The following NTN5 variants were observed in gnomAD, a reference collection of about 807,000 sequenced individuals.
The protein encoded by NTN5 is netrin 5, also known as netrin-5.
NTN5 carries 42 observed loss-of-function variants against 38.7 expected under a neutral mutation model. The observed-to-expected ratio is 1.08, with a 90% CI of 0.85 to 1.40. NTN5 has a LOEUF of 1.40. Among genes scored for constraint, NTN5 ranks in the 40% most tolerant of loss-of-function variants. The pLI is 0.00. For missense variants in NTN5, 658 were observed against 716.5 expected (o/e 0.92, Z 0.93); for synonymous variants, 329 against 303.9 (o/e 1.08, Z -0.86).
Position 48,670,499 on chromosome 19 carries a change from G to A in NTN5, c.488C>T (p.Ala163Val). The A allele has an allele frequency of 6.8e-7, 1 of 1,480,710 alleles. No homozygotes were observed. Among genetic ancestry groups the A allele is most frequent in the Non-Finnish European group, 9.0e-7 (1 of 1,114,492 alleles). 91.7% of individuals were successfully genotyped at this position (1,480,710 alleles called of 1,614,324 possible). Reference protein sequence around the residue: ...LRGRCQCHGHAARCAARARPP... With the variant: ...LRGRCQCHGHVARCAARARPP... ...CCGGGCACGGGCGGCACAGCGGGCAGCGTGGCCATGACACTGGCAGCGGCC... is the reference window on the plus strand; with the variant it reads ...CCGGGCACGGGCGGCACAGCGGGCAACGTGGCCATGACACTGGCAGCGGCC... Residue 163 changes from alanine to valine, a missense_variant, in exon 2 of 7, where the codon GCT becomes GTT. Coordinates refer to ENST00000270235, the MANE Select transcript of NTN5 (RefSeq NM_145807.4).
chr19:48,669,721 C>CCAT (rs2031867114), intron 2 of NTN5, among the ~76,000 whole-genome samples: 5 of 107,072 alleles, frequency 4.7e-5, no homozygotes, highest in Non-Finnish European at 7.8e-5. Context: ...ACCATCACCA[C>CCAT]CACCACCACC....
chr19:48,663,639 G>A, intron 5 of NTN5, 96 bp from the exon 6 acceptor site: 1 of 1,515,052 alleles, frequency 6.6e-7, no homozygotes, highest in Non-Finnish European at 9.2e-7. Context: ...ATGGCCAGCT[G>A]GGGTACCCAA....
At position 48,661,420 on chromosome 19, in the gene NTN5, G is replaced by C. The variant is rs2031533586; in HGVS notation, c.*257C>G. 2.7e-6 allele frequency: 1 copy of C among 365,262 alleles called. No individual in the cohort carries two copies. Among genetic ancestry groups the C allele is most frequent in the East Asian group, 4.9e-5 (1 of 20,600 alleles). 22.6% of individuals were successfully genotyped at this position (365,262 alleles called of 1,614,324 possible). The stretch of plus-strand genomic sequence containing the variant: ...TGTAGACAAAAATTCCCAAAGATTT[G>C]AGACTTTATTGGGGGAAACAGATCA... On this transcript the variant is annotated 3_prime_UTR_variant, in exon 7 of 7. Coordinates refer to ENST00000270235, the MANE Select transcript of NTN5 (RefSeq NM_145807.4).
At chr19:48,666,837 C>T (rs566561013) in intron 2 of NTN5, among the ~76,000 whole-genome samples, 92 of 151,800 alleles carry the variant, frequency 6.1e-4, no homozygotes, top group Non-Finnish European at 1.1e-3. Flanking sequence ...GCATGCACCA[C>T]CACACCAGGC....
In NTN5 at chr19:48,661,941, C is replaced by A; in HGVS notation, c.1206G>T (p.Val402=). The A allele has an allele frequency of 7.2e-7, 1 of 1,387,896 alleles. No individual in the cohort carries two copies. The highest frequency in any genetic ancestry group is 9.3e-7 in the Non-Finnish European group (1 of 1,076,474). The allele number at this position is 1,387,896 out of a possible 1,614,324, so 86.0% of individuals were successfully genotyped here. The change falls in exon 7 of 7, where the codon GTG becomes GTT. Residue 402 remains valine, a synonymous_variant. Transcript: ENST00000270235. Reference sequence around the variant, plus strand: ...CCCAGGCGTCCTGGTCGCCGCGTCGCACGGGCTGCGCCCGCTGCTTGTAAA... The same window carrying A: ...CCCAGGCGTCCTGGTCGCCGCGTCGAACGGGCTGCGCCCGCTGCTTGTAAA... The part of the protein sequence containing the change: ...LAVYKQRAQP[V]RRGDQDAWVP...
chr19:48,661,682 G>A lies in NTN5; in HGVS notation c.1465C>T (p.His489Tyr). The change falls in exon 7 of 7, where the codon CAC becomes TAC. Residue 489 changes from histidine to tyrosine, a missense_variant. His to Tyr is a moderately conservative substitution (Grantham distance 83). Coordinates refer to ENST00000270235, the MANE Select transcript of NTN5 (RefSeq NM_145807.4). ...RAPTPSPRPE[H>Y] The stretch of plus-strand genomic sequence containing the variant: ...GAGGCAGCCCCATCTCACGTCTAGT[G>A]CTCCGGCCTGGGACTGGGTGTGGGT... 6.5e-6 allele frequency: 10 copies of A among 1,548,982 alleles called. No individual in the cohort carries two copies. The highest frequency in any genetic ancestry group is 2.5e-5 in the East Asian group (1 of 39,862).
chr19:48,665,868 C>T (rs553281324), intron 2 of NTN5, among the ~76,000 whole-genome samples: 1 of 152,198 alleles, frequency 6.6e-6, no homozygotes, highest in Admixed American at 6.6e-5. Context: ...GAATCAGACC[C>T]TTTTAGCCTT....
Position 48,661,450 on chromosome 19 carries a change from C to T in NTN5, c.*227G>A, listed in dbSNP as rs2031534701. The T allele has an allele frequency of 1.4e-5, 6 of 431,102 alleles. No individual in the cohort carries two copies. The South Asian group carries it at 1.9e-4, about 14-fold the overall frequency. The allele number at this position is 431,102 out of a possible 1,614,324, so 26.7% of individuals were successfully genotyped here. On this transcript the variant is annotated 3_prime_UTR_variant, in exon 7 of 7. Coordinates refer to ENST00000270235, the MANE Select transcript of NTN5 (RefSeq NM_145807.4). ...TTTATTGGGGGAAACAGATCACTGGCGGGGAATAAGCCACAGGCCAAAGGA... is the reference window on the plus strand; with the variant it reads ...TTTATTGGGGGAAACAGATCACTGGTGGGGAATAAGCCACAGGCCAAAGGA...
chr19:48,671,059 C>G, intron 1 of NTN5, 53 bp from the exon 2 acceptor site: 5 of 1,362,688 alleles, frequency 3.7e-6, no homozygotes, highest in Middle Eastern at 2.3e-4. Context: ...GCCTCTACCC[C>G]TCCTGGAGGT....
chr19:48,661,760 G>C lies in NTN5; in HGVS notation c.1387C>G (p.Leu463Val), dbSNP rs779592292. The C allele has an allele frequency of 2.7e-6, 4 of 1,501,384 alleles. No homozygotes were observed. The highest frequency in any genetic ancestry group is 2.2e-5 in the Admixed American group (1 of 45,792). 93.0% of individuals were successfully genotyped at this position (1,501,384 alleles called of 1,614,324 possible). The change falls in exon 7 of 7, where the codon CTG (leucine) becomes GTG (valine). Residue 463 changes from leucine (L) to valine (V), a missense_variant. Transcript: ENST00000270235. ...LPWRPRWARP[L>V]KRLQQEERAG... Reference sequence around the variant, plus strand: ...CGCTCCTCCTGCTGCAGCCGCTTCAGGGGCCGGGCCCAGCGCGGCCTCCAT... The same window carrying C: ...CGCTCCTCCTGCTGCAGCCGCTTCACGGGCCGGGCCCAGCGCGGCCTCCAT...
In NTN5 at chr19:48,670,349, G is replaced by T; in HGVS notation, c.631+7C>A. 1 of 1,406,840 alleles carries T rather than the reference G, an allele frequency of 7.1e-7. No individual in the cohort carries two copies. Among genetic ancestry groups the T allele is most frequent in the South Asian group, 1.6e-5 (1 of 62,282 alleles). 87.1% of individuals were successfully genotyped at this position (1,406,840 alleles called of 1,614,324 possible). Reference sequence around the variant, plus strand: ...AAGGCAGGGAGAGTGAGGGGCGCAGGACTCACGTAGGCAAGGGTGGGGGTG... The same window carrying T: ...AAGGCAGGGAGAGTGAGGGGCGCAGTACTCACGTAGGCAAGGGTGGGGGTG... On this transcript the variant is annotated splice_region_variant and intron_variant, in intron 2 of 6. Transcript: ENST00000270235.
chr19:48,669,576 T>TCACCACCAC (rs1356023446), intron 2 of NTN5, among the ~76,000 whole-genome samples: 856 of 12,212 alleles, frequency 0.07, 235 homozygotes, highest in East Asian at 0.12. Context: ...ATCACCACCA[T>TCACCACCAC]CACCACCACG....
At chr19:48,668,583 G>C (rs1484956459) in intron 2 of NTN5, among the ~76,000 whole-genome samples, 1 of 152,170 alleles carries the variant, frequency 6.6e-6, no homozygotes, top group African/African-American at 2.4e-5. Context: ...TGGTGTGACA[G>C]TACCCAGCAG....
chr19:48,669,010 TCAC>T (rs1294436197), intron 2 of NTN5, among the ~76,000 whole-genome samples: 4 of 114,760 alleles, frequency 3.5e-5, no homozygotes, highest in Non-Finnish European at 5.6e-5. Context: ...ATCACCACTA[TCAC>T]CACCATCATC....
Position 48,672,956 on chromosome 19 carries a change from G to A in NTN5, c.-45C>T. On this transcript the variant is annotated 5_prime_UTR_variant, in exon 1 of 7. Coordinates refer to ENST00000270235, the MANE Select transcript of NTN5 (RefSeq NM_145807.4). ...CCTGCACTCAAGAAGAGAGCGTCCT[G>A]CAGCCAGTTCCCCGCAGGCTCTTCC... is the stretch of plus-strand genomic sequence containing the variant. The A allele has an allele frequency of 6.7e-6, 2 of 299,642 alleles. No individual in the cohort carries two copies. Among genetic ancestry groups the A allele is most frequent in the South Asian group, 5.1e-5 (2 of 39,248 alleles). The allele number at this position is 299,642 out of a possible 1,614,324, so 18.6% of individuals were successfully genotyped here. A position where few individuals can be genotyped will look rare whatever the true frequency, so the allele number is the denominator to read the frequency against.
At position 48,664,739 on chromosome 19, in the gene NTN5, G is replaced by T. The variant is rs544641083; in HGVS notation, c.660C>A (p.Arg220=). ...TGAACAGCTCAGAGTTGAACCGGCA[G>T]CGTCGGGCGTGCTGGTTGCAGGAGC... is the stretch of plus-strand genomic sequence containing the variant. ...LPCSCNQHAR[R]CRFNSELFRL... The change falls in exon 3 of 7, where the codon CGC becomes CGA. Residue 220 remains arginine, a synonymous_variant. Coordinates refer to ENST00000270235, the MANE Select transcript of NTN5 (RefSeq NM_145807.4). 1.6e-5 allele frequency: 26 copies of T among 1,578,840 alleles called. No homozygotes were observed. In the East Asian group the frequency reaches 6.1e-4, roughly 37 times the overall value.
chr19:48,668,750 C>T (rs1432717749), intron 2 of NTN5, among the ~76,000 whole-genome samples: 2 of 152,172 alleles, frequency 1.3e-5, no homozygotes, highest in East Asian at 1.9e-4. Context: ...GACATCCCTG[C>T]CTGGCACACG....
Position 48,661,857 on chromosome 19 carries a change from C to G in NTN5, c.1290G>C (p.Leu430=). Residue 430 remains leucine (L), a synonymous_variant, in exon 7 of 7, where the codon CTG becomes CTC. Transcript: ENST00000270235. ...CLRLQPGTDY[L]LLGSAVGDPD... is the part of the protein sequence containing the mutation. ...GGTCGCCCACGGCGCTGCCCAGCAG[C>G]AGGTAGTCGGTGCCTGGCTGCAGGC... 2.2e-6 allele frequency: 3 copies of G among 1,341,930 alleles called. No homozygotes were observed. The highest frequency in any genetic ancestry group is 2.9e-6 in the Non-Finnish European group (3 of 1,050,252). 83.1% of individuals were successfully genotyped at this position (1,341,930 alleles called of 1,614,324 possible).
At chr19:48,663,841 T>C (rs770819067) in intron 4 of NTN5, 27 bp from the exon 5 acceptor site, 1 of 1,608,514 alleles carries the variant, frequency 6.2e-7, no homozygotes, top group Non-Finnish European at 8.5e-7. Context: ...GAAATTAACC[T>C]CTTAGTCATT....
Sources: allele counts gnomAD v4.1 joint callset (sites outside exome capture counted in the v4.1 genomes callset), GRCh38; gene constraint gnomAD v4.1.1; transcripts MANE v1.5; gene names NCBI Gene and HGNC (gene_info 2026-07-23, HGNC 2026-07-21).